Variants in BRD3 observed in about 807,000 individuals in gnomAD.
BRD3 encodes the protein bromodomain containing 3.
In BRD3, 17 loss-of-function variants were observed where a neutral mutation model predicts 66.8. The observed-to-expected ratio is 0.25, with a 90% CI of 0.17 to 0.38. The LOEUF (loss-of-function observed/expected upper bound fraction) is 0.38. Among genes scored for constraint, BRD3 ranks in the 10% least tolerant of loss-of-function variants. BRD3 has a pLI of 1.00. For missense variants in BRD3, 713 were observed against 956.1 expected, an observed-to-expected ratio of 0.75 and a Z score of 3.35; for synonymous variants, 421 against 393.2, an observed-to-expected ratio of 1.07 and a Z score of -0.84.
chr9:134,067,482 G>A (rs1039352299), intron 1 of BRD3, among the ~76,000 whole-genome samples: 2 of 148,664 alleles, frequency 1.3e-5, no homozygotes, highest in East Asian at 2.0e-4. Context: ...GGCCGGGGCC[G>A]CCGCGCGCAC....
At chr9:134,051,500 CCCAT>C (rs1830294529) in intron 4 of BRD3, 58 bp downstream of exon 4, 5 of 1,443,058 alleles carry the variant, frequency 3.5e-6, no homozygotes, top group Non-Finnish European at 3.6e-6. Context: ...CGCGTCCCAG[CCCAT>C]CCACCCGTGG....
Position 134,033,531 on chromosome 9 carries a change from G to C in BRD3, c.*59C>G. On this transcript the variant is annotated 3_prime_UTR_variant, in exon 12 of 12. Coordinates refer to ENST00000303407, the MANE Select transcript of BRD3 (RefSeq NM_007371.4). The surrounding 1 kb of genome is among the most constrained non-coding windows in gnomAD (Gnocchi z 5.1). ...GAAGTAGTAATATGAACCACAGAGGGGTACGGCAGAGTCTCGGCGTGTGCG... is the reference window on the plus strand; with the variant it reads ...GAAGTAGTAATATGAACCACAGAGGCGTACGGCAGAGTCTCGGCGTGTGCG... 1 of 689,912 alleles carries C rather than the reference G, an allele frequency of 1.4e-6. No homozygotes were observed. The allele number at this position is 689,912 out of a possible 1,614,324, so 42.7% of individuals were successfully genotyped here.
At chr9:134,064,609 C>G (rs988508268) in intron 1 of BRD3, among the ~76,000 whole-genome samples, 6 of 151,916 alleles carry the variant, frequency 3.9e-5, no homozygotes, top group Non-Finnish European at 5.9e-5. Context: ...GCTTGTAATC[C>G]CAGCACTTCA....
rs764761238 is a variant in BRD3 at position 134,053,507 on chromosome 9, A to G, written c.-30T>C. 7.7e-6 allele frequency: 12 copies of G among 1,550,128 alleles called. No individual in the cohort carries two copies. Among genetic ancestry groups the G allele is most frequent in the Admixed American group, 1.8e-5 (1 of 54,386 alleles). ...CGGCAGCTCACTCACTTTCTGTCACAGCAGCGGCTTGGAGAGGCCCTGGCT... is the reference window on the plus strand; with the variant it reads ...CGGCAGCTCACTCACTTTCTGTCACGGCAGCGGCTTGGAGAGGCCCTGGCT... On this transcript the variant is annotated 5_prime_UTR_variant, in exon 2 of 12. Coordinates refer to ENST00000303407, the MANE Select transcript of BRD3 (RefSeq NM_007371.4).
chr9:134,051,450 C>T (rs1429051098), intron 4 of BRD3, 112 bp downstream of exon 4: 7 of 1,196,006 alleles, frequency 5.9e-6, no homozygotes, highest in African/African-American at 1.6e-5. Context: ...CCCACGAGCT[C>T]GTCACGACAG....
At chr9:134,067,722 GCCGCCA>G (rs1310094651) in intron 1 of BRD3, among the ~76,000 whole-genome samples, 1 of 143,400 alleles carries the variant, frequency 7.0e-6, no homozygotes, top group African/African-American at 2.6e-5. Context: ...CGCCACCGCC[GCCGCCA>G]CCGCCGCCGC....
At chr9:134,035,823 T>C (rs1391727682) in intron 10 of BRD3, among the ~76,000 whole-genome samples, 1 of 152,136 alleles carries the variant, frequency 6.6e-6, no homozygotes, top group Non-Finnish European at 1.5e-5. Context: ...TCTGGCTGGG[T>C]GGGGCTCAGG....
chr9:134,063,089 C>G (rs1213230641), intron 1 of BRD3, among the ~76,000 whole-genome samples: 1 of 152,250 alleles, frequency 6.6e-6, no homozygotes, highest in African/African-American at 2.4e-5. Context: ...TCCCACTCAG[C>G]CATGCCGAGC....
intron 1 of BRD3, among the ~76,000 whole-genome samples, chr9:134,065,981 A>T (rs184983656): frequency 6.6e-6 from 1 of 152,170 alleles, no homozygotes; most frequent in East Asian, 1.9e-4. Flanking sequence ...ACTGTTTGCA[A>T]GTCCCGTCCT....
At position 134,032,870 on chromosome 9, in the gene BRD3, T is replaced by G; in HGVS notation, c.*720A>C. On this transcript the variant is annotated 3_prime_UTR_variant, in exon 12 of 12. Transcript: ENST00000303407. ...TTTTTTTTTTTAAATCTTTTCTTCT[T>G]TTTTTTTTTTTAAAGTTGAGGTAAA... is the stretch of plus-strand genomic sequence containing the variant. 6.5e-6 allele frequency: 1 copy of G among 154,908 alleles called. No homozygotes were observed. The highest frequency in any genetic ancestry group is 1.2e-5 in the Non-Finnish European group (1 of 82,674). 9.6% of individuals were successfully genotyped at this position (154,908 alleles called of 1,614,324 possible).
rs533148693 is a variant in BRD3 at position 134,050,106 on chromosome 9, C to A, written c.714+268G>T. Among the ~76,000 whole-genome samples, 6 of 152,346 alleles carry A rather than the reference C, an allele frequency of 3.9e-5. No individual in the cohort carries two copies. In the South Asian group the frequency reaches 1.2e-3, roughly 32 times the overall value. On this transcript the variant is annotated intron_variant, in intron 5 of 11. Transcript: ENST00000303407. ...CCACAACTTCCCCACCTTGACCAAG[C>A]CTTTGGCCAGGGCTTCTGGCCAGAG...
intron 5 of BRD3, 113 bp from the exon 6 acceptor site, chr9:134,048,567 C>A: frequency 6.7e-7 from 1 of 1,493,620 alleles, no homozygotes. Flanking sequence ...GGCTAAGCGG[C>A]CACATGCACG....
intron 1 of BRD3, among the ~76,000 whole-genome samples, chr9:134,067,067 T>A (rs1357471767): frequency 1.3e-5 from 2 of 152,128 alleles, no homozygotes; most frequent in Non-Finnish European, 2.9e-5. Flanking sequence ...CAGGGCCATG[T>A]GGGTGTACAC....
At chr9:134,039,948 C>T in intron 9 of BRD3, 86 bp downstream of exon 9, 1 of 1,497,674 alleles carries the variant, frequency 6.7e-7, no homozygotes, top group Non-Finnish European at 8.8e-7. Context: ...AGGCACAAAG[C>T]CCCCAATCCC....
In BRD3 at chr9:134,032,995, C is replaced by T. The variant is rs878888539; in HGVS notation, c.*595G>A. ...ACGAGCGGAGAACGCACATCCCACC[C>T]GACCACCCCCCAAGGGCTCCACGCT... On this transcript the variant is annotated 3_prime_UTR_variant, in exon 12 of 12. Transcript: ENST00000303407. 6 of 397,272 alleles carry T rather than the reference C, an allele frequency of 1.5e-5. No homozygotes were observed. The highest frequency in any genetic ancestry group is 8.2e-5 in the African/African-American group (4 of 48,520). 24.6% of individuals were successfully genotyped at this position (397,272 alleles called of 1,614,324 possible). A position where few individuals can be genotyped will look rare whatever the true frequency, so the allele number is the denominator to read the frequency against.
At chr9:134,067,284 C>CA (rs1203596954) in intron 1 of BRD3, among the ~76,000 whole-genome samples, 1 of 151,892 alleles carries the variant, frequency 6.6e-6, no homozygotes, top group African/African-American at 2.4e-5. Flanking sequence ...CAGGGGGGCT[C>CA]AAAGTCAGCT....
At position 134,048,434 on chromosome 9, in the gene BRD3, T is replaced by C. The variant is rs2132417460; in HGVS notation, c.735A>G (p.Lys245=). The C allele has an allele frequency of 1.9e-6, 3 of 1,598,558 alleles. No homozygotes were observed. The highest frequency in any genetic ancestry group is 1.1e-5 in the South Asian group (1 of 91,088). The part of the protein sequence containing the change: ...PVVKKKGVKR[K]ADTTTPTTSA... ...ACGTCGTGGGAGTGGTTGTGTCTGC[T>C]TTCCGCTTCACGCCCTTTTTCTGCG... is the stretch of plus-strand genomic sequence containing the variant. The change falls in exon 6 of 12, where the codon AAA becomes AAG. Residue 245 remains lysine, a synonymous_variant. Coordinates refer to ENST00000303407, the MANE Select transcript of BRD3 (RefSeq NM_007371.4).
chr9:134,044,585 T>C (rs567106493), intron 7 of BRD3, among the ~76,000 whole-genome samples: 3 of 152,100 alleles, frequency 2.0e-5, no homozygotes, highest in Non-Finnish European at 4.4e-5. Context: ...CCACCTGCGA[T>C]CACAATTAGA....
chr9:134,059,342 C>A (rs1426928201), intron 1 of BRD3, among the ~76,000 whole-genome samples: 1 of 152,222 alleles, frequency 6.6e-6, no homozygotes, highest in South Asian at 2.1e-4. Flanking sequence ...TGCCTTGCAC[C>A]CACTCTCCAC....
Sources: gnomAD v4.1 joint callset for allele counts (sites outside exome capture counted in the v4.1 genomes callset) on GRCh38, gnomAD v4.1.1 for gene constraint, Gnocchi (gnomAD v3.1) non-coding constraint, MANE v1.5 for transcripts, NCBI Gene and HGNC (gene_info 2026-07-23, HGNC 2026-07-21) for gene names.